USH2A: variants seen among roughly 807,000 people sequenced by gnomAD.
The protein encoded by USH2A is usherin, also known as Usher syndrome 2A (autosomal recessive, mild).
Under a neutral mutation model 538.9 loss-of-function variants are expected in USH2A, and 443 were observed. The observed-to-expected ratio is 0.82, with a 90% CI of 0.76 to 0.89. USH2A has a LOEUF of 0.89. USH2A is among the 40% of genes least tolerant of loss of function. The pLI, the probability that USH2A is intolerant of heterozygous loss-of-function variation, is 0.00. For missense variants in USH2A, 6,633 were observed against 6,324.8 expected (o/e 1.05, Z -1.65); for synonymous variants, 2,413 against 2,273.5 (o/e 1.06, Z -1.75).
rs747008835 is a variant in USH2A, at chr1:216,247,198, T to C, written c.2196A>G (p.Gly732=). Residue 732 remains glycine, a synonymous_variant, in exon 13 of 72, where the codon GGA becomes GGG. Transcript: ENST00000307340. The part of the protein sequence containing the change: ...IGLRCDHCNF[G]FKFLRSFNDV... ...CATTAAAGCTTCGGAGAAATTTAAA[T>C]CCAAAATTGCAATGATCACACCTAA... is the stretch of plus-strand genomic sequence containing the variant. 1.4e-5 allele frequency: 22 copies of C among 1,613,888 alleles called. No individual in the cohort carries two copies. Among genetic ancestry groups the C allele is most frequent in the Non-Finnish European group, 1.6e-5 (19 of 1,179,926 alleles).
chr1:216,392,214 C>A (rs2039122359), intron 3 of USH2A, among the ~76,000 whole-genome samples: 1 of 151,984 alleles, frequency 6.6e-6, no homozygotes, highest in Non-Finnish European at 1.5e-5. Context: ...AAAAACCAAT[C>A]CTGGCCAGGT....
chr1:215,907,070 T>C (rs1439512490), intron 38 of USH2A, among the ~76,000 whole-genome samples: 1 of 151,910 alleles, frequency 6.6e-6, no homozygotes, highest in Non-Finnish European at 1.5e-5. Flanking sequence ...TTGAATAGTC[T>C]TTATCATTGG....
intron 11 of USH2A, among the ~76,000 whole-genome samples, chr1:216,282,125 C>A (rs2036794781): frequency 6.6e-6 from 1 of 151,988 alleles, no homozygotes; most frequent in Non-Finnish European, 1.5e-5. Flanking sequence ...ATATGCTGTG[C>A]AAATATTTTC....
chr1:216,340,985 T>C (rs1054575855), intron 4 of USH2A, among the ~76,000 whole-genome samples: 4 of 152,162 alleles, frequency 2.6e-5, no homozygotes, highest in Admixed American at 2.6e-4. Flanking sequence ...GTATTGGAAG[T>C]TCTGGCCAGG....
chr1:215,964,034 T>C (rs1667268680), intron 37 of USH2A, among the ~76,000 whole-genome samples: 1 of 152,142 alleles, frequency 6.6e-6, no homozygotes, highest in South Asian at 2.1e-4. Flanking sequence ...CTTTGCAACA[T>C]TTAATACCGT....
At chr1:215,959,831 C>T (rs1174784444) in intron 37 of USH2A, among the ~76,000 whole-genome samples, 1 of 152,136 alleles carries the variant, frequency 6.6e-6, no homozygotes, top group Non-Finnish European at 1.5e-5. Context: ...GCAATTAGCA[C>T]ACGCTGGTGC....
chr1:215,910,512 G>A (rs1665754025), intron 38 of USH2A, among the ~76,000 whole-genome samples: 1 of 151,626 alleles, frequency 6.6e-6, no homozygotes, highest in Non-Finnish European at 1.5e-5. Flanking sequence ...ATAAGTTAAT[G>A]TATCAAGTGG....
chr1:216,331,174 G>A (rs1271055089), intron 4 of USH2A, among the ~76,000 whole-genome samples: 2 of 151,986 alleles, frequency 1.3e-5, no homozygotes, highest in African/African-American at 2.4e-5. Context: ...ATGATTTGAG[G>A]TGAGAATACT....
chr1:215,904,662 C>T (rs1248795030), intron 38 of USH2A, among the ~76,000 whole-genome samples: 1 of 152,002 alleles, frequency 6.6e-6, no homozygotes, highest in Non-Finnish European at 1.5e-5. Flanking sequence ...CAAAGAACTT[C>T]TCTCAAGTTT....
chr1:216,290,807 A>G (rs2036986655), intron 10 of USH2A, among the ~76,000 whole-genome samples: 1 of 152,028 alleles, frequency 6.6e-6, no homozygotes, highest in African/African-American at 2.4e-5. Flanking sequence ...TTCTATCTCA[A>G]TGGCTGGCAC....
rs1380414475 is a variant in USH2A, at chr1:215,879,483, A to C, written c.8224-385T>G. Among the ~76,000 whole-genome samples, 6 of 152,230 alleles carry C rather than the reference A, an allele frequency of 3.9e-5. No individual in the cohort carries two copies. The East Asian group carries it at 1.2e-3, about 29-fold the overall frequency. On this transcript the variant is annotated intron_variant, in intron 41 of 71. Transcript: ENST00000307340. Reference sequence around the variant, plus strand: ...TGGTTTTCATGTTTATAACTCAACTAAATGAAACATCAGAACTCATTTCTT... The same window carrying C: ...TGGTTTTCATGTTTATAACTCAACTCAATGAAACATCAGAACTCATTTCTT...
At chr1:216,299,602 A>C (rs920442915) in intron 9 of USH2A, among the ~76,000 whole-genome samples, 1 of 152,194 alleles carries the variant, frequency 6.6e-6, no homozygotes, top group Non-Finnish European at 1.5e-5. Flanking sequence ...AATTGAGAGC[A>C]AATAAAATGT....
chr1:216,390,259 T>C (rs1176838911), intron 3 of USH2A, among the ~76,000 whole-genome samples: 1 of 152,176 alleles, frequency 6.6e-6, no homozygotes, highest in Non-Finnish European at 1.5e-5. Context: ...GCCATTCACC[T>C]AGTCAAATAA....
intron 30 of USH2A, among the ~76,000 whole-genome samples, chr1:216,059,733 T>C (rs972112240): frequency 1.3e-5 from 2 of 152,242 alleles, no homozygotes; most frequent in African/African-American, 4.8e-5. Context: ...GGGCATCTTG[T>C]AATTGAGAAT....
At chr1:216,033,547 T>C (rs1204021669) in intron 32 of USH2A, among the ~76,000 whole-genome samples, 1 of 152,138 alleles carries the variant, frequency 6.6e-6, no homozygotes. Context: ...AAGAATGATA[T>C]AAGGCTAAGA....
At chr1:216,220,985 T>C (rs1240720302) in intron 14 of USH2A, among the ~76,000 whole-genome samples, 1 of 152,162 alleles carries the variant, frequency 6.6e-6, no homozygotes, top group African/African-American at 2.4e-5. Flanking sequence ...CAAGGCAAAT[T>C]GGAGAAATTC....
At chr1:215,872,925 C>T (rs1322339204) in intron 43 of USH2A, among the ~76,000 whole-genome samples, 1 of 152,036 alleles carries the variant, frequency 6.6e-6, no homozygotes, top group African/African-American at 2.4e-5. Flanking sequence ...CGGGTAAAAG[C>T]TCCCTGAAGC....
rs76991058 is a variant in USH2A at position 215,877,695 on chromosome 1, G to A, written c.8681+63C>T. On this transcript the variant is annotated intron_variant, in intron 43 of 71. Coordinates refer to ENST00000307340, the MANE Select transcript of USH2A (RefSeq NM_206933.4). Reference sequence around the variant, plus strand: ...CACAATGAAGACACTGAGATACTTTGAACTATTCAACATGCCCAGAACTAA... The same window carrying A: ...CACAATGAAGACACTGAGATACTTTAAACTATTCAACATGCCCAGAACTAA... 1,202 of 1,607,594 alleles carry A rather than the reference G, an allele frequency of 7.5e-4. 7 individuals carry two copies. The African/African-American group carries it at 0.015, about 20-fold the overall frequency.
At chr1:216,298,204 T>C (rs141088949) in intron 9 of USH2A, among the ~76,000 whole-genome samples, 179 of 152,336 alleles carry the variant, frequency 1.2e-3, no homozygotes, top group East Asian at 3.9e-3. Flanking sequence ...AGATGGAAAC[T>C]GTGGTCCTGT....
Sources: gnomAD v4.1 joint callset for allele counts (sites outside exome capture counted in the v4.1 genomes callset) on GRCh38, gnomAD v4.1.1 for gene constraint, MANE v1.5 for transcripts, NCBI Gene and HGNC (gene_info 2026-07-23, HGNC 2026-07-21) for gene names.